THSD7B: variants seen among roughly 807,000 people sequenced by gnomAD.
THSD7B encodes the protein thrombospondin type 1 domain containing 7B.
A neutral mutation model predicts 213.6 loss-of-function variants in THSD7B; 138 were observed. The ratio of observed to expected loss-of-function variants is 0.65; its 90% CI spans 0.56 to 0.74. The LOEUF (loss-of-function observed/expected upper bound fraction) is 0.74, where lower values mean the gene tolerates loss of function less well. Among genes scored for constraint, THSD7B ranks in the 30% least tolerant of loss-of-function variants. The pLI is 0.00. For synonymous variants in THSD7B, 742 were observed against 687.0 expected (o/e 1.08, Z -1.25); for missense variants, 1,931 against 1,991.5 (o/e 0.97, Z 0.58).
At chr2:137,195,110 G>A (rs191726400) in intron 7 of THSD7B, among the ~76,000 whole-genome samples, 5 of 152,038 alleles carry the variant, frequency 3.3e-5, no homozygotes, top group African/African-American at 1.2e-4. Flanking sequence ...CCTGTTCATA[G>A]AGCACAGGGG....
chr2:137,512,795 T>C (rs1235483824), intron 15 of THSD7B, among the ~76,000 whole-genome samples: 1 of 152,124 alleles, frequency 6.6e-6, no homozygotes, highest in Non-Finnish European at 1.5e-5. Context: ...TTACATGTAG[T>C]AATTCTTTTT....
At chr2:137,311,180 T>A (rs1450783266) in intron 12 of THSD7B, among the ~76,000 whole-genome samples, 1 of 150,574 alleles carries the variant, frequency 6.6e-6, no homozygotes. Flanking sequence ...TTTTATTTCG[T>A]TGAGCAGTGG....
chr2:137,433,122 T>C (rs979493575), intron 14 of THSD7B, among the ~76,000 whole-genome samples: 3 of 152,152 alleles, frequency 2.0e-5, no homozygotes, highest in African/African-American at 7.2e-5. Flanking sequence ...ACAGAATATG[T>C]AATTTCAAAT....
intron 12 of THSD7B, among the ~76,000 whole-genome samples, chr2:137,377,322 A>AG (rs1345029372): frequency 4.6e-5 from 7 of 152,346 alleles, no homozygotes; most frequent in Middle Eastern, 3.4e-3. Context: ...AAAATTTAAA[A>AG]ACAAAATTTT....
chr2:136,981,792 G>A lies in THSD7B; in HGVS notation c.140-74628G>A, dbSNP rs149861804. Among the ~76,000 whole-genome samples the A allele has an allele frequency of 1.4e-4, 22 of 152,228 alleles. No homozygotes were observed. In the East Asian group the frequency reaches 2.5e-3, roughly 17 times the overall value. ...ACTGAAGACTGCACACCACACCTAC[G>A]TTTAGCACTTGCTGCAGCATCTCGT... is the stretch of plus-strand genomic sequence containing the variant. On this transcript the variant is annotated intron_variant, in intron 2 of 27. Coordinates refer to ENST00000409968, the MANE Select transcript of THSD7B (RefSeq NM_001316349.2).
chr2:137,187,525 C>G (rs1166238447), intron 7 of THSD7B, among the ~76,000 whole-genome samples: 1 of 152,146 alleles, frequency 6.6e-6, no homozygotes, highest in Admixed American at 6.5e-5. Flanking sequence ...TGCGTTAGAT[C>G]AATGCACAAT....
chr2:136,774,374 C>T (rs1264896093), intron 1 of THSD7B, among the ~76,000 whole-genome samples: 1 of 151,946 alleles, frequency 6.6e-6, no homozygotes, highest in Non-Finnish European at 1.5e-5. Context: ...TGATTCATTC[C>T]CTGGTAGGTA....
At chr2:137,247,627 G>A (rs1255866344) in intron 10 of THSD7B, among the ~76,000 whole-genome samples, 1 of 152,162 alleles carries the variant, frequency 6.6e-6, no homozygotes, top group East Asian at 1.9e-4. Context: ...TCTCTAAGGA[G>A]TGAGCTAGAG....
intron 12 of THSD7B, among the ~76,000 whole-genome samples, chr2:137,399,408 G>T (rs1451260532): frequency 6.6e-6 from 1 of 151,958 alleles, no homozygotes; most frequent in East Asian, 1.9e-4. Context: ...GGCCAAGCTG[G>T]TCTCGAACTC....
intron 15 of THSD7B, among the ~76,000 whole-genome samples, chr2:137,549,318 T>A (rs1184865982): frequency 1.4e-5 from 2 of 146,076 alleles, no homozygotes; most frequent in African/African-American, 5.0e-5. Flanking sequence ...CTCTTTTTTT[T>A]TTTTTTTTTT....
At chr2:137,414,996 C>T (rs751208184) in intron 14 of THSD7B, among the ~76,000 whole-genome samples, 35 of 147,468 alleles carry the variant, frequency 2.4e-4, no homozygotes, top group Non-Finnish European at 4.9e-4. Context: ...GCGGAAATTG[C>T]AGTGAGCCAA....
intron 7 of THSD7B, 66 bp from the exon 8 acceptor site, chr2:137,230,978 A>T: frequency 2.1e-6 from 3 of 1,460,758 alleles, no homozygotes; most frequent in Non-Finnish European, 2.8e-6. Flanking sequence ...AAACTGAAGT[A>T]ATAGATAAAG....
intron 1 of THSD7B, among the ~76,000 whole-genome samples, chr2:136,770,201 A>G (rs1275521721): frequency 6.6e-6 from 1 of 152,212 alleles, no homozygotes; most frequent in Admixed American, 6.5e-5. Flanking sequence ...GTAGCAATGC[A>G]TATTTTAATT....
chr2:137,531,986 CAG>C (rs1558829334), intron 15 of THSD7B, among the ~76,000 whole-genome samples: 1 of 151,832 alleles, frequency 6.6e-6, no homozygotes, highest in African/African-American at 2.4e-5. Flanking sequence ...ACAATATAAA[CAG>C]AGAGAGTGTA....
intron 27 of THSD7B, among the ~76,000 whole-genome samples, chr2:137,675,445 T>TATATATATATATATATATGC (rs1199450259): frequency 8.7e-6 from 1 of 114,456 alleles, no homozygotes; most frequent in African/African-American, 3.6e-5. Context: ...TATATATATA[T>TATATATATATATATATATGC]ATGCGGACAG....
intron 10 of THSD7B, among the ~76,000 whole-genome samples, chr2:137,257,158 G>A (rs910218952): frequency 4.6e-5 from 7 of 152,148 alleles, no homozygotes; most frequent in East Asian, 1.9e-4. Context: ...CTGCCACATA[G>A]GGGATTCACT....
At chr2:137,486,354 T>C (rs966084287) in intron 15 of THSD7B, among the ~76,000 whole-genome samples, 1 of 148,044 alleles carries the variant, frequency 6.8e-6, no homozygotes, top group Non-Finnish European at 1.5e-5. Context: ...TCCTAGTCTC[T>C]GATAAAACAG....
chr2:136,840,303 C>T (rs531476330), intron 1 of THSD7B, among the ~76,000 whole-genome samples: 55 of 152,232 alleles, frequency 3.6e-4, no homozygotes, highest in African/African-American at 1.1e-3. Flanking sequence ...CACTTGAACC[C>T]TGGAGGTGGA....
chr2:137,156,978 C>T (rs1346840691), intron 5 of THSD7B, among the ~76,000 whole-genome samples: 1 of 152,146 alleles, frequency 6.6e-6, no homozygotes, highest in Non-Finnish European at 1.5e-5. Context: ...TACAGCTTTC[C>T]AGTCTTATTA....
Sources: allele counts gnomAD v4.1 joint callset (sites outside exome capture counted in the v4.1 genomes callset), GRCh38; gene constraint gnomAD v4.1.1; transcripts MANE v1.5; gene names NCBI Gene and HGNC (gene_info 2026-07-23, HGNC 2026-07-21).